BCAS3: variants seen among roughly 807,000 people sequenced by gnomAD.
The protein encoded by BCAS3 is BCAS4/BCAS3 fusion.
BCAS3 carries 53 observed loss-of-function variants against 116.1 expected under a neutral mutation model. The ratio of observed to expected loss-of-function variants is 0.46; its 90% CI spans 0.37 to 0.57. The LOEUF (loss-of-function observed/expected upper bound fraction) is 0.57, where lower values mean the gene tolerates loss of function less well. Ranked by LOEUF, BCAS3 falls within the 20% of genes least tolerant of loss-of-function variation. BCAS3 has a pLI of 0.00. For synonymous variants in BCAS3, 391 were observed against 408.2 expected (o/e 0.96, Z 0.51); for missense variants, 917 against 1,165.4 (o/e 0.79, Z 3.10).
At chr17:60,786,622 A>G (rs1045767712) in intron 6 of BCAS3, among the ~76,000 whole-genome samples, 4 of 151,908 alleles carry the variant, frequency 2.6e-5, no homozygotes. Context: ...ATTACTATAA[A>G]TATGTAAACA....
At chr17:61,197,729 A>G (rs2080566569) in intron 22 of BCAS3, among the ~76,000 whole-genome samples, 1 of 152,246 alleles carries the variant, frequency 6.6e-6, no homozygotes, top group African/African-American at 2.4e-5. Context: ...GTGCCAAGCC[A>G]GTCTGGATAA....
At chr17:61,014,693 C>T (rs898246734) in intron 15 of BCAS3, among the ~76,000 whole-genome samples, 1 of 150,286 alleles carries the variant, frequency 6.7e-6, no homozygotes, top group African/African-American at 2.4e-5. Flanking sequence ...AGAAGTAAAA[C>T]TATCTGTTTT....
At chr17:60,768,506 G>A (rs1004892221) in intron 6 of BCAS3, among the ~76,000 whole-genome samples, 2 of 152,140 alleles carry the variant, frequency 1.3e-5, no homozygotes, top group Non-Finnish European at 2.9e-5. Context: ...CTTCAGTTTT[G>A]GGACTCAGAC....
chr17:60,898,810 C>T (rs2057683722), intron 10 of BCAS3, among the ~76,000 whole-genome samples: 1 of 151,928 alleles, frequency 6.6e-6, no homozygotes, highest in Non-Finnish European at 1.5e-5. Flanking sequence ...TATTTTTGTT[C>T]CTAGTGGCGT....
chr17:61,040,160 T>G (rs540677647), intron 18 of BCAS3, among the ~76,000 whole-genome samples: 1 of 152,324 alleles, frequency 6.6e-6, no homozygotes, highest in South Asian at 2.1e-4. Context: ...TCCCTGTCCT[T>G]TTGACATTTT....
chr17:60,813,037 C>G (rs772654848), intron 7 of BCAS3, among the ~76,000 whole-genome samples: 1 of 152,182 alleles, frequency 6.6e-6, no homozygotes, highest in South Asian at 2.1e-4. Flanking sequence ...GCCACCACAT[C>G]TGGTCCAATC....
intron 22 of BCAS3, among the ~76,000 whole-genome samples, chr17:61,183,772 A>G (rs1483556808): frequency 6.6e-6 from 1 of 152,240 alleles, no homozygotes; most frequent in African/African-American, 2.4e-5. Flanking sequence ...AAGGTGGCTA[A>G]ATTTGTGAAT....
chr17:61,338,887 GGAAA>G (rs1437414279), intron 22 of BCAS3, among the ~76,000 whole-genome samples: 3,888 of 99,478 alleles, frequency 0.039, 255 homozygotes, highest in African/African-American at 0.14. Context: ...GCCCTTACTG[GGAAA>G]AAAAAAAAAA....
At chr17:61,011,353 G>A (rs992314691) in intron 15 of BCAS3, among the ~76,000 whole-genome samples, 2 of 152,016 alleles carry the variant, frequency 1.3e-5, no homozygotes, top group African/African-American at 4.8e-5. Flanking sequence ...AGAGGCTTGA[G>A]GTTTAATGAA....
intron 22 of BCAS3, among the ~76,000 whole-genome samples, chr17:61,143,822 AAAAT>A (rs973279708): frequency 1.6e-4 from 24 of 152,268 alleles, no homozygotes; most frequent in African/African-American, 4.6e-4. Flanking sequence ...AAAATAAAAT[AAAAT>A]AAATAAAGTA....
At chr17:60,728,461 A>G (rs1414667856) in intron 5 of BCAS3, among the ~76,000 whole-genome samples, 2 of 152,028 alleles carry the variant, frequency 1.3e-5, no homozygotes, top group Non-Finnish European at 2.9e-5. Context: ...TTTATGACAG[A>G]TACCTTTTTA....
intron 6 of BCAS3, among the ~76,000 whole-genome samples, chr17:60,780,021 G>C (rs1431618105): frequency 6.8e-6 from 1 of 147,128 alleles, no homozygotes; most frequent in African/African-American, 2.5e-5. Flanking sequence ...ATGGAGTCTC[G>C]CTCTGTTGCC....
At chr17:61,274,096 C>A (rs1011348455) in intron 22 of BCAS3, among the ~76,000 whole-genome samples, 2 of 151,012 alleles carry the variant, frequency 1.3e-5, no homozygotes, top group Admixed American at 6.6e-5. Flanking sequence ...TCTCCTAATG[C>A]TATCCCTCCC....
rs539557891 is a variant in BCAS3, at chr17:61,186,419, C to T, written c.2425+101855C>T. Among the ~76,000 whole-genome samples, 15 of 152,104 alleles carry T rather than the reference C, an allele frequency of 9.9e-5. No individual in the cohort carries two copies. The highest frequency in any genetic ancestry group is 2.1e-4 in the Non-Finnish European group (14 of 68,012). On this transcript the variant is annotated intron_variant, in intron 22 of 23. Transcript: ENST00000407086. The surrounding 1 kb of genome is among the most constrained non-coding windows in gnomAD (Gnocchi z 4.9). ...GTTGATTTTATTACAATTATCTATC[C>T]TTTTATCTTAGCTCTGTTTTCAGTG...
At chr17:61,169,038 T>C (rs1483034735) in intron 22 of BCAS3, among the ~76,000 whole-genome samples, 4 of 152,216 alleles carry the variant, frequency 2.6e-5, no homozygotes, top group African/African-American at 9.6e-5. Context: ...AAAATCATTA[T>C]TTATTTTGAG....
chr17:60,767,158 G>A (rs1357183084), intron 6 of BCAS3, among the ~76,000 whole-genome samples: 1 of 152,088 alleles, frequency 6.6e-6, no homozygotes, highest in African/African-American at 2.4e-5. Flanking sequence ...TCCGGGGTGA[G>A]GCAATGCCCC....
intron 6 of BCAS3, among the ~76,000 whole-genome samples, chr17:60,754,919 C>T (rs2042861955): frequency 6.6e-6 from 1 of 152,084 alleles, no homozygotes; most frequent in South Asian, 2.1e-4. Context: ...GCTCAGTTTG[C>T]CTTGTGTATT....
At chr17:60,828,828 A>G (rs2050660377) in intron 7 of BCAS3, among the ~76,000 whole-genome samples, 1 of 152,126 alleles carries the variant, frequency 6.6e-6, no homozygotes, top group Non-Finnish European at 1.5e-5. Flanking sequence ...ATAATCCAGG[A>G]CATCGTTTCT....
chr17:61,373,686 G>A (rs1179435830), intron 23 of BCAS3, among the ~76,000 whole-genome samples: 2 of 136,836 alleles, frequency 1.5e-5, no homozygotes, highest in Non-Finnish European at 3.1e-5. Context: ...GGCCTCAAGT[G>A]ATCCCAAAGT....
Sources: gnomAD v4.1 joint callset for allele counts (sites outside exome capture counted in the v4.1 genomes callset) on GRCh38, gnomAD v4.1.1 for gene constraint, Gnocchi (gnomAD v3.1) non-coding constraint, MANE v1.5 for transcripts, NCBI Gene and HGNC (gene_info 2026-07-23, HGNC 2026-07-21) for gene names.